Variants in MYH7 observed in about 807,000 individuals in gnomAD.
MYH7 encodes myosin heavy chain 7.
MYH7 carries 129 observed loss-of-function variants against 225.4 expected under a neutral mutation model. The ratio of observed to expected loss-of-function variants is 0.57; its 90% CI spans 0.50 to 0.66. The LOEUF (loss-of-function observed/expected upper bound fraction) is 0.66, where lower values mean the gene tolerates loss of function less well. MYH7 is among the 30% of genes least tolerant of loss of function. The pLI is 0.00. For missense variants in MYH7, 1,649 were observed against 2,517.0 expected, an observed-to-expected ratio of 0.66 and a Z score of 7.38; for synonymous variants, 971 against 1,007.6, an observed-to-expected ratio of 0.96 and a Z score of 0.69.
In MYH7 at chr14:23,424,067, T is replaced by G. The variant is rs779467831; in HGVS notation, c.2762A>C (p.Glu921Ala). The G allele has an allele frequency of 6.2e-7, 1 of 1,614,252 alleles. No homozygotes were observed. Among genetic ancestry groups the G allele is most frequent in the Non-Finnish European group, 8.5e-7 (1 of 1,180,044 alleles). Residue 921 changes from glutamate to alanine, a missense_variant, in exon 23 of 40, where the codon GAG becomes GCG. Transcript: ENST00000355349. ...CTCATCCTCCAGCCTCTCGTTCATC[T>G]CCTTCACCTTGGCCTCCAGCTGAAT... is the stretch of plus-strand genomic sequence containing the variant. ...NKIQLEAKVK[E>A]MNERLEDEEE...
Position 23,433,798 on chromosome 14 carries a change from G to A in MYH7, c.-8-58C>T, listed in dbSNP as rs1240212297. ...CTGCCCATTCTTCCCTTCCCTCCCT[G>A]GGCTCTCCCCTTCAGTGGGAGCCCC... On this transcript the variant is annotated intron_variant, in intron 2 of 39. Coordinates refer to ENST00000355349, the MANE Select transcript of MYH7 (RefSeq NM_000257.4). The surrounding 1 kb of genome is among the most constrained non-coding windows in gnomAD (Gnocchi z 4.1). 1 of 1,564,598 alleles carries A rather than the reference G, an allele frequency of 6.4e-7. No homozygotes were observed. The highest frequency in any genetic ancestry group is 1.4e-5 in the African/African-American group (1 of 73,924).
chr14:23,418,557 G>T, intron 29 of MYH7, 151 bp from the exon 30 acceptor site: 1 of 1,019,244 alleles, frequency 9.8e-7, no homozygotes, highest in Non-Finnish European at 1.4e-6. Flanking sequence ...ACTGTTTGCT[G>T]ATAACAAAGA....
rs765948561 is a variant in MYH7 at position 23,424,790 on chromosome 14, G to T, written c.2658C>A (p.Asp886Glu). Residue 886 changes from aspartate (D) to glutamate (E), a missense_variant, in exon 22 of 40, where the codon GAC (aspartate) becomes GAA (glutamate). Transcript: ENST00000355349. ...KMVSLLQEKN[D>E]LQLQVQAEQD... ...TCACCGCCTGCACTTGGAGCTGCAG[G>T]TCATTCTTCTCCTGCAGCAGGGACA... 1.9e-6 allele frequency: 3 copies of T among 1,614,060 alleles called. No individual in the cohort carries two copies. Among genetic ancestry groups the T allele is most frequent in the African/African-American group, 1.3e-5 (1 of 74,932 alleles).
At position 23,425,912 on chromosome 14, in the gene MYH7, G is replaced by A; in HGVS notation, c.2162+52C>T. On this transcript the variant is annotated intron_variant, in intron 19 of 39. Coordinates refer to ENST00000355349, the MANE Select transcript of MYH7 (RefSeq NM_000257.4). The surrounding 1 kb of genome is among the most constrained non-coding windows in gnomAD (Gnocchi z 4.6). ...TCACCTGCAGATCCCATTCCCATCA[G>A]GGCAGCCTGGCTCCCCCTGTTCTAT... is the stretch of plus-strand genomic sequence containing the variant. 1.2e-6 allele frequency: 2 copies of A among 1,612,882 alleles called. No individual in the cohort carries two copies.
chr14:23,424,922 A>G lies in MYH7; in HGVS notation c.2526T>C (p.Ser842=), dbSNP rs554560162. 129 of 1,613,976 alleles carry G rather than the reference A, an allele frequency of 8.0e-5. No individual in the cohort carries two copies. Among genetic ancestry groups the G allele is most frequent in the South Asian group, 6.3e-4 (57 of 91,080 alleles). The change falls in exon 22 of 40, where the codon AGT becomes AGC. Residue 842 remains serine (S), a synonymous_variant. Transcript: ENST00000355349. ...LYFKIKPLLK[S]AEREKEMASM... ...AGGCCATCTCCTTCTCTCTTTCTGCACTCTTCAGCAGCGGCTTGATCTTGA... is the reference window on the plus strand; with the variant it reads ...AGGCCATCTCCTTCTCTCTTTCTGCGCTCTTCAGCAGCGGCTTGATCTTGA...
intron 39 of MYH7, among the ~76,000 whole-genome samples, chr14:23,413,350 G>A (rs773968235): frequency 3.9e-5 from 6 of 152,092 alleles, no homozygotes; most frequent in Non-Finnish European, 7.4e-5. Context: ...AGGCTGAGGC[G>A]AGTGGATCAC....
At position 23,415,657 on chromosome 14, in the gene MYH7, C is replaced by G. The variant is rs869279274; in HGVS notation, c.5129G>C (p.Ser1710Thr). 28 of 1,613,870 alleles carry G rather than the reference C, an allele frequency of 1.7e-5. No individual in the cohort carries two copies. The highest frequency in any genetic ancestry group is 2.1e-5 in the Non-Finnish European group (25 of 1,180,040). Residue 1710 changes from serine to threonine, a missense_variant, in exon 35 of 40, where the codon AGT becomes ACT. Transcript: ENST00000355349. This position sits in a 1 kb window ranked among gnomAD's most constrained non-coding sequence, Gnocchi z 6.3. ...KLAEQELIET[S>T]ERVQLLHSQN... ...GGAATGCAGCAGCTGCACCCGCTCA[C>G]TAGTCTCAATCAGCTCCTGCTCCGC... is the stretch of plus-strand genomic sequence containing the variant.
rs45478699 is a variant in MYH7 at position 23,421,008 on chromosome 14, C to A, written c.3286G>T (p.Asp1096Tyr). The A allele has an allele frequency of 1.2e-4, 200 of 1,612,708 alleles. No individual in the cohort carries two copies. Among genetic ancestry groups the A allele is most frequent in the Non-Finnish European group, 1.6e-4 (188 of 1,180,028 alleles). The change falls in exon 26 of 40, where the codon GAT (aspartate) becomes TAT (tyrosine). Residue 1096 changes from aspartate (D) to tyrosine (Y), a missense_variant. This residue lies in a region of MYH7 where 282 missense variants were observed against 315.3 expected (regional missense o/e 0.89). Transcript: ENST00000355349. ...AGCTGGCTGCCGAGGGCCTGTTCAT[C>A]CTCAATCCTTGCGTTGAGAGCATTC... is the stretch of plus-strand genomic sequence containing the variant. Reference protein sequence around the residue: ...ELNALNARIEDEQALGSQLQK... With the variant: ...ELNALNARIEYEQALGSQLQK...
intron 9 of MYH7, 127 bp downstream of exon 9, chr14:23,431,291 C>T: frequency 1.1e-6 from 1 of 948,050 alleles, no homozygotes; most frequent in South Asian, 1.3e-5. Flanking sequence ...AAGACAGAGA[C>T]ACCTACAGAC....
chr14:23,433,656 G>A lies in MYH7; in HGVS notation c.77C>T (p.Ala26Val), dbSNP rs186964570. Residue 26 changes from alanine to valine, a missense_variant, in exon 3 of 40, where the codon GCG becomes GTG. Ala to Val is a moderately conservative substitution (Grantham distance 64). Coordinates refer to ENST00000355349, the MANE Select transcript of MYH7 (RefSeq NM_000257.4). This position sits in a 1 kb window ranked among gnomAD's most constrained non-coding sequence, Gnocchi z 4.1. Reference protein sequence around the residue: ...LRKSEKERLEAQTRPFDLKKD... With the variant: ...LRKSEKERLEVQTRPFDLKKD... ...CTTGAGGTCAAAAGGCCTGGTCTGC[G>A]CTTCTAGCCGCTCCTTCTCTGACTT... 389 of 1,614,270 alleles carry A rather than the reference G, an allele frequency of 2.4e-4. No homozygotes were observed. The East Asian group carries it at 6.1e-3, about 25-fold the overall frequency.
At chr14:23,422,467 G>C (rs1374043270) in intron 24 of MYH7, 142 bp from the exon 25 acceptor site, 1 of 1,079,038 alleles carries the variant, frequency 9.3e-7, no homozygotes, top group African/African-American at 1.6e-5. Context: ...TGTTATTAGG[G>C]GACTGTGAGA....
chr14:23,427,465 G>C, intron 16 of MYH7, 120 bp downstream of exon 16: 1 of 1,484,454 alleles, frequency 6.7e-7, no homozygotes, highest in Non-Finnish European at 9.2e-7. Context: ...CCATCCCACT[G>C]AGTCTGTAAA....
intron 30 of MYH7, chr14:23,418,007 T>C: frequency 1.0e-6 from 1 of 967,696 alleles, no homozygotes; most frequent in Non-Finnish European, 1.7e-6. Context: ...ACAAACCTTT[T>C]GTTCGTCTTA....
At chr14:23,426,695 T>C in intron 18 of MYH7, 82 bp downstream of exon 18, 1 of 1,283,150 alleles carries the variant, frequency 7.8e-7, no homozygotes, top group Non-Finnish European at 1.1e-6. Context: ...ACTGTGGTGG[T>C]AGGTAGGGAG....
At chr14:23,416,423 G>A (rs1214654338) in intron 33 of MYH7, 111 bp from the exon 34 acceptor site, 8 of 1,207,430 alleles carry the variant, frequency 6.6e-6, no homozygotes, top group Non-Finnish European at 8.1e-6. Flanking sequence ...GGTGTAAGTG[G>A]TTCAAAGAAG....
intron 22 of MYH7, 130 bp downstream of exon 22, chr14:23,424,639 T>C (rs1182072774): frequency 6.7e-7 from 1 of 1,492,910 alleles, no homozygotes; most frequent in Non-Finnish European, 9.1e-7. Context: ...TGGAGGTCTT[T>C]AGAAGTGTTG....
Position 23,431,885 on chromosome 14 carries a change from C to T in MYH7, c.531-16G>A. ...GGATTCTCCGCTGTGAAGACAGGGGCTTATTGGGCAGTGAACAATACTACT... is the reference window on the plus strand; with the variant it reads ...GGATTCTCCGCTGTGAAGACAGGGGTTTATTGGGCAGTGAACAATACTACT... On this transcript the variant is annotated splice_polypyrimidine_tract_variant and intron_variant, in intron 6 of 39. Transcript: ENST00000355349. 6.2e-7 allele frequency: 1 copy of T among 1,610,722 alleles called. No individual in the cohort carries two copies. The highest frequency in any genetic ancestry group is 8.5e-7 in the Non-Finnish European group (1 of 1,176,892).
chr14:23,424,275 CT>C, intron 22 of MYH7, 126 bp from the exon 23 acceptor site: 1 of 1,279,894 alleles, frequency 7.8e-7, no homozygotes, highest in South Asian at 1.4e-5. Flanking sequence ...TTGGCAAGAG[CT>C]TCAGAAGTAT....
chr14:23,424,271 A>T lies in MYH7; in HGVS notation c.2680-122T>A. 4.6e-6 allele frequency: 6 copies of T among 1,315,808 alleles called. No homozygotes were observed. In the South Asian group the frequency reaches 8.2e-5, roughly 18 times the overall value. The allele number at this position is 1,315,808 out of a possible 1,614,324, so 81.5% of individuals were successfully genotyped here. A position where few individuals can be genotyped will look rare whatever the true frequency, so the allele number is the denominator to read the frequency against. On this transcript the variant is annotated intron_variant, in intron 22 of 39. Transcript: ENST00000355349. ...AACTCTAGGATATCCCCACTTGGCA[A>T]GAGCTTCAGAAGTATGGGGAGGGGA...
Sources: gnomAD v4.1 joint callset for allele counts (sites outside exome capture counted in the v4.1 genomes callset) on GRCh38, gnomAD v4.1.1 for gene constraint, gnomAD v4.1.1 regional missense constraint, Gnocchi (gnomAD v3.1) non-coding constraint, MANE v1.5 for transcripts, NCBI Gene and HGNC (gene_info 2026-07-23, HGNC 2026-07-21) for gene names.